Variants in SAMD12 observed in about 807,000 individuals in gnomAD.
SAMD12 encodes the protein sterile alpha motif domain containing 12.
SAMD12 carries 9 observed loss-of-function variants against 15.0 expected under a neutral mutation model. The ratio of observed to expected loss-of-function variants is 0.60; its 90% CI spans 0.36 to 1.05. The LOEUF (loss-of-function observed/expected upper bound fraction) is 1.05, where lower values mean the gene tolerates loss of function less well. Among genes scored for constraint, SAMD12 ranks in the 50% least tolerant of loss-of-function variants. The probability of loss-of-function intolerance (pLI) is 0.01; values close to 1 mark genes in which losing one functional copy is unlikely to be tolerated. For synonymous variants in SAMD12, 86 were observed against 90.1 expected (o/e 0.96, Z 0.25); for missense variants, 230 against 234.2 (o/e 0.98, Z 0.12).
At chr8:118,137,080 G>T in the SAMD12 span, among the ~76,000 whole-genome samples, 1 of 152,194 alleles carries the variant, frequency 6.6e-6, no homozygotes, top group Non-Finnish European at 1.5e-5. Context: ...TCCACAGAGT[G>T]GGAGTGGGCT....
chr8:118,135,327 A>G, the SAMD12 span, among the ~76,000 whole-genome samples: 7 of 151,918 alleles, frequency 4.6e-5, no homozygotes, highest in Non-Finnish European at 7.4e-5. Flanking sequence ...GATTACAGGC[A>G]TATATCACCA....
At chr8:118,214,947 G>T (rs1811918486) in intron 4 of SAMD12, among the ~76,000 whole-genome samples, 1 of 152,192 alleles carries the variant, frequency 6.6e-6, no homozygotes, top group African/African-American at 2.4e-5. Context: ...CAGACCGAAG[G>T]TTAAACAAGG....
chr8:118,263,762 A>G (rs978846232), intron 4 of SAMD12, among the ~76,000 whole-genome samples: 2 of 151,988 alleles, frequency 1.3e-5, no homozygotes, highest in Non-Finnish European at 2.9e-5. Flanking sequence ...CTGAATAATC[A>G]CTCTTGCTCA....
intron 1 of SAMD12, among the ~76,000 whole-genome samples, chr8:118,616,757 G>A (rs369748969): frequency 4.0e-4 from 61 of 152,292 alleles, no homozygotes; most frequent in African/African-American, 1.3e-3. Context: ...GTATCAGTCC[G>A]TGGCCTATTA....
intron 2 of SAMD12, among the ~76,000 whole-genome samples, chr8:118,479,406 A>AC (rs1312607509): frequency 2.6e-5 from 4 of 152,134 alleles, no homozygotes; most frequent in African/African-American, 9.7e-5. Context: ...GGTGAAAGGC[A>AC]CCTCTTACAT....
At chr8:118,355,217 G>T (rs1213056411) in intron 4 of SAMD12, among the ~76,000 whole-genome samples, 1 of 152,200 alleles carries the variant, frequency 6.6e-6, no homozygotes, top group Non-Finnish European at 1.5e-5. Flanking sequence ...GCCATAAAAA[G>T]GAATGAATTA....
At chr8:118,426,375 T>C (rs917672062) in intron 3 of SAMD12, among the ~76,000 whole-genome samples, 2 of 152,144 alleles carry the variant, frequency 1.3e-5, no homozygotes, top group Non-Finnish European at 2.9e-5. Flanking sequence ...TGCAAGATTG[T>C]TGAAAGCCAC....
chr8:118,337,515 A>G (rs1817143361), intron 4 of SAMD12, among the ~76,000 whole-genome samples: 1 of 152,202 alleles, frequency 6.6e-6, no homozygotes, highest in Non-Finnish European at 1.5e-5. Context: ...GGTCAACCTC[A>G]GCCTAAAAAT....
At chr8:118,297,871 A>G (rs1217876267) in intron 4 of SAMD12, among the ~76,000 whole-genome samples, 2 of 152,356 alleles carry the variant, frequency 1.3e-5, no homozygotes, top group South Asian at 2.1e-4. Context: ...ATCATAATAC[A>G]GAAACAGAAC....
chr8:118,453,212 C>G (rs757419234), intron 2 of SAMD12, among the ~76,000 whole-genome samples: 25 of 151,984 alleles, frequency 1.6e-4, no homozygotes, highest in Admixed American at 3.3e-4. Flanking sequence ...ATTCTAAGAC[C>G]TCTATTTGGT....
At chr8:118,460,058 T>C (rs1482328119) in intron 2 of SAMD12, among the ~76,000 whole-genome samples, 2 of 152,202 alleles carry the variant, frequency 1.3e-5, no homozygotes, top group Non-Finnish European at 1.5e-5. Context: ...CAACTACACA[T>C]TTCTATTAAA....
At chr8:118,336,658 A>G (rs920345143) in intron 4 of SAMD12, among the ~76,000 whole-genome samples, 4 of 152,172 alleles carry the variant, frequency 2.6e-5, no homozygotes, top group Non-Finnish European at 5.9e-5. Flanking sequence ...AAGTGTTCCT[A>G]CTTCTCCACA....
At position 118,344,928 on chromosome 8, in the gene SAMD12, A is replaced by G. The variant is rs529119425; in HGVS notation, c.433+34632T>C. ...ATCACCATTGTAACATTACAGTACT[A>G]TTATTATATTTTTATATATTTAGTG... is the stretch of plus-strand genomic sequence containing the variant. On this transcript the variant is annotated intron_variant, in intron 4 of 4. Coordinates refer to the SAMD12 transcript ENST00000409003. 2.0e-5 allele frequency among the ~76,000 whole-genome samples: 3 copies of G among 152,254 alleles called. No homozygotes were observed. The East Asian group carries it at 5.8e-4, about 29-fold the overall frequency.
At chr8:118,352,686 A>G (rs1256919930) in intron 4 of SAMD12, among the ~76,000 whole-genome samples, 3 of 152,218 alleles carry the variant, frequency 2.0e-5, no homozygotes, top group Non-Finnish European at 1.5e-5. Flanking sequence ...AACGATCAAT[A>G]GGAAATCAGG....
chr8:118,362,119 A>G (rs1462040418), intron 4 of SAMD12, among the ~76,000 whole-genome samples: 1 of 152,020 alleles, frequency 6.6e-6, no homozygotes, highest in Non-Finnish European at 1.5e-5. Context: ...GAAGGGAGGG[A>G]CAGTGAAGAG....
chr8:118,553,298 T>C (rs1005880254), intron 2 of SAMD12, among the ~76,000 whole-genome samples: 1 of 152,132 alleles, frequency 6.6e-6, no homozygotes, highest in Non-Finnish European at 1.5e-5. Flanking sequence ...AAGGCTACAG[T>C]AACCAAAACA....
At chr8:118,237,718 G>A (rs1408018302) in intron 4 of SAMD12, among the ~76,000 whole-genome samples, 2 of 152,244 alleles carry the variant, frequency 1.3e-5, no homozygotes, top group East Asian at 3.9e-4. Context: ...AGATGTCTTT[G>A]CCCAATAAAG....
chr8:118,229,591 G>A (rs561938548), intron 4 of SAMD12, among the ~76,000 whole-genome samples: 3 of 151,950 alleles, frequency 2.0e-5, no homozygotes, highest in Non-Finnish European at 4.4e-5. Context: ...CATTATTTTG[G>A]CTCCTATGGT....
At chr8:118,607,077 T>C (rs980167187) in intron 1 of SAMD12, among the ~76,000 whole-genome samples, 6 of 152,150 alleles carry the variant, frequency 3.9e-5, no homozygotes, top group African/African-American at 1.4e-4. Flanking sequence ...TCTCCTGACA[T>C]TTGAGAATTA....
Sources: gnomAD v4.1 joint callset for allele counts (sites outside exome capture counted in the v4.1 genomes callset) on GRCh38, gnomAD v4.1.1 for gene constraint, MANE v1.5 for transcripts, NCBI Gene and HGNC (gene_info 2026-07-23, HGNC 2026-07-21) for gene names.